Variants in PLEKHD1 observed in about 807,000 individuals in gnomAD.
The protein encoded by PLEKHD1 is pleckstrin homology and coiled-coil domain containing D1.
A neutral mutation model predicts 69.2 loss-of-function variants in PLEKHD1; 51 were observed. The observed-to-expected ratio is 0.74, with a 90% CI of 0.59 to 0.93. The LOEUF is 0.93. PLEKHD1 is among the 40% of genes least tolerant of loss of function. The pLI is 0.00. For missense variants in PLEKHD1, 584 were observed against 641.0 expected, an observed-to-expected ratio of 0.91 and a Z score of 0.96; for synonymous variants, 236 against 244.7, an observed-to-expected ratio of 0.96 and a Z score of 0.33.
At chr14:69,501,622 A>C in intron 4 of PLEKHD1, 112 bp from the exon 5 acceptor site, 1 of 754,138 alleles carries the variant, frequency 1.3e-6, no homozygotes, top group Non-Finnish European at 2.1e-6. Flanking sequence ...TGGAGGAGAA[A>C]GGGTGGGCGA....
intron 6 of PLEKHD1, 88 bp downstream of exon 6, chr14:69,502,967 A>T: frequency 1.4e-6 from 2 of 1,477,578 alleles, no homozygotes; most frequent in Non-Finnish European, 1.8e-6. Context: ...AGCTGGGTGC[A>T]CAGAGGACTT....
Position 69,530,033 on chromosome 14 carries a change from G to T in PLEKHD1, c.*1614G>T, listed in dbSNP as rs1001989939. On this transcript the variant is annotated 3_prime_UTR_variant, in exon 13 of 13. Transcript: ENST00000322564. Reference sequence around the variant, plus strand: ...CTTGGACACTGTTGACATTAAAGGTGCTCATTCTTTGCTGCTTGGAAAACC... The same window carrying T: ...CTTGGACACTGTTGACATTAAAGGTTCTCATTCTTTGCTGCTTGGAAAACC... The T allele has an allele frequency of 5.9e-5, 9 of 152,240 alleles. No homozygotes were observed. Among genetic ancestry groups the T allele is most frequent in the African/African-American group, 2.2e-4 (9 of 41,468 alleles). The allele number at this position is 152,240 out of a possible 1,614,324, so 9.4% of individuals were successfully genotyped here.
At chr14:69,491,824 G>C (rs1012127286) in intron 1 of PLEKHD1, among the ~76,000 whole-genome samples, 3 of 152,172 alleles carry the variant, frequency 2.0e-5, no homozygotes, top group Non-Finnish European at 4.4e-5. Flanking sequence ...AATTCATATT[G>C]GATGGCACCT....
Position 69,527,832 on chromosome 14 carries a change from T to C in PLEKHD1, c.1251T>C (p.Pro417=), listed in dbSNP as rs1486783143. The C allele has an allele frequency of 6.4e-7, 1 of 1,551,512 alleles. No homozygotes were observed. The highest frequency in any genetic ancestry group is 1.2e-5 in the South Asian group (1 of 84,058). Residue 417 remains proline, a synonymous_variant, in exon 12 of 13, where the codon CCT becomes CCC. Coordinates refer to ENST00000322564, the MANE Select transcript of PLEKHD1 (RefSeq NM_001161498.2). Reference sequence around the variant, plus strand: ...ATGCCGAGCTGGAGGCCAAGATGCCTGTGATCATGAAGAACTCCGTGTACA... The same window carrying C: ...ATGCCGAGCTGGAGGCCAAGATGCCCGTGATCATGAAGAACTCCGTGTACA... ...IRNAELEAKM[P]VIMKNSVYIH...
chr14:69,472,553 A>G, the PLEKHD1 span, among the ~76,000 whole-genome samples: 1 of 152,364 alleles, frequency 6.6e-6, no homozygotes, highest in African/African-American at 2.4e-5. Flanking sequence ...TCGGTCAATG[A>G]TGGACCACAT....
intron 7 of PLEKHD1, 103 bp from the exon 8 acceptor site, chr14:69,524,126 G>A: frequency 2.1e-6 from 2 of 933,852 alleles, no homozygotes; most frequent in South Asian, 3.1e-5. Context: ...GAGCCCTCCT[G>A]AGCCCCATCA....
chr14:69,482,228 G>A (rs1276576531), upstream of PLEKHD1, among the ~76,000 whole-genome samples: 1 of 152,212 alleles, frequency 6.6e-6, no homozygotes, highest in Non-Finnish European at 1.5e-5. Flanking sequence ...GAAGGAATCA[G>A]CCTTCCCCAG....
In PLEKHD1 at chr14:69,530,981, G is replaced by A; in HGVS notation, c.*2562G>A. On this transcript the variant is annotated 3_prime_UTR_variant, in exon 13 of 13. Transcript: ENST00000322564. ...TACTAAAAATACAAAAATTAGCTGG[G>A]CGTGGTGGTGGGTGCCTATAGTCCC... 6.6e-6 allele frequency: 1 copy of A among 152,170 alleles called. No individual in the cohort carries two copies. Among genetic ancestry groups the A allele is most frequent in the East Asian group, 1.9e-4 (1 of 5,194 alleles). 9.4% of individuals were successfully genotyped at this position (152,170 alleles called of 1,614,324 possible). A position where few individuals can be genotyped will look rare whatever the true frequency, so the allele number is the denominator to read the frequency against.
the PLEKHD1 span, among the ~76,000 whole-genome samples, chr14:69,473,852 C>A: frequency 0.011 from 1,673 of 152,252 alleles, 39 homozygotes; most frequent in African/African-American, 0.039. Context: ...ATTTGATAAC[C>A]ATCTTCAGAT....
chr14:69,501,465 C>T (rs924881253), intron 4 of PLEKHD1: 1 of 382,700 alleles, frequency 2.6e-6, no homozygotes, highest in Non-Finnish European at 4.7e-6. Flanking sequence ...ACCCAGGAAG[C>T]AATCTCCTCC....
intron 1 of PLEKHD1, among the ~76,000 whole-genome samples, chr14:69,499,752 A>T (rs1170935927): frequency 6.6e-6 from 1 of 152,102 alleles, no homozygotes; most frequent in African/African-American, 2.4e-5. Flanking sequence ...CCTAGAGGAG[A>T]CCCTAAGTGG....
At chr14:69,499,999 C>G in intron 1 of PLEKHD1, 116 bp from the exon 2 acceptor site, 1 of 683,238 alleles carries the variant, frequency 1.5e-6, no homozygotes, top group Non-Finnish European at 2.6e-6. Context: ...GATGGCTGAG[C>G]TGGTGTCCCT....
At chr14:69,480,864 G>A (rs561055623), upstream of PLEKHD1, among the ~76,000 whole-genome samples, 1 of 152,318 alleles carries the variant, frequency 6.6e-6, no homozygotes, top group Admixed American at 6.5e-5. Context: ...TGTTGGCCAG[G>A]CTGGTCTCAA....
intron 1 of PLEKHD1, among the ~76,000 whole-genome samples, chr14:69,488,068 T>TA (rs978459311): frequency 8.5e-5 from 13 of 152,158 alleles, no homozygotes; most frequent in Admixed American, 6.5e-4. Context: ...GGGTAGCCAG[T>TA]AGGGCCTGAA....
chr14:69,479,659 A>G, the PLEKHD1 span, among the ~76,000 whole-genome samples: 1 of 152,104 alleles, frequency 6.6e-6, no homozygotes, highest in Non-Finnish European at 1.5e-5. Flanking sequence ...TAATAATAAT[A>G]ACAAAAAAAG....
chr14:69,482,338 T>G (rs1882557271), upstream of PLEKHD1, among the ~76,000 whole-genome samples: 1 of 152,200 alleles, frequency 6.6e-6, no homozygotes, highest in Non-Finnish European at 1.5e-5. Flanking sequence ...AACTCACCAC[T>G]AGTCCTCATC....
intron 6 of PLEKHD1, among the ~76,000 whole-genome samples, chr14:69,506,434 A>T (rs558764698): frequency 6.9e-4 from 105 of 152,238 alleles, no homozygotes; most frequent in Non-Finnish European, 7.3e-4. Flanking sequence ...CTCCAGGTTT[A>T]TAAGTGGTAA....
intron 6 of PLEKHD1, among the ~76,000 whole-genome samples, chr14:69,510,359 C>T (rs544077376): frequency 6.6e-6 from 1 of 152,078 alleles, no homozygotes; most frequent in African/African-American, 2.4e-5. Flanking sequence ...TCTTTGATAT[C>T]TTTTATTACA....
chr14:69,493,574 T>A (rs1324691157), intron 1 of PLEKHD1, among the ~76,000 whole-genome samples: 7 of 152,220 alleles, frequency 4.6e-5, no homozygotes, highest in Non-Finnish European at 1.0e-4. Flanking sequence ...AGAGTTGTTA[T>A]GAGAAATTTA....
Sources: gnomAD v4.1 joint callset for allele counts (sites outside exome capture counted in the v4.1 genomes callset) on GRCh38, gnomAD v4.1.1 for gene constraint, MANE v1.5 for transcripts, NCBI Gene and HGNC (gene_info 2026-07-23, HGNC 2026-07-21) for gene names.